The following CTXND1 variants were observed in gnomAD, a reference collection of about 807,000 sequenced individuals.
CTXND1 encodes the protein cortexin domain containing 1.
chr15:80,235,488 G>T (rs1465925379), intron 1 of CTXND1, among the ~76,000 whole-genome samples: 2 of 152,148 alleles, frequency 1.3e-5, no homozygotes, highest in Non-Finnish European at 2.9e-5. Context: ...TAACCTAGTT[G>T]TGGGCTTGGT....
chr15:80,229,490 C>T (rs561074648), intron 1 of CTXND1, among the ~76,000 whole-genome samples: 39 of 152,246 alleles, frequency 2.6e-4, no homozygotes, highest in African/African-American at 9.4e-4. Context: ...TGGTCAGGTC[C>T]ATGACAGACT....
chr15:80,231,616 C>T (rs1893431891), intron 1 of CTXND1, among the ~76,000 whole-genome samples: 1 of 152,036 alleles, frequency 6.6e-6, no homozygotes, highest in African/African-American at 2.4e-5. Flanking sequence ...TATTATTCTG[C>T]TGTATAATCG....
chr15:80,236,946 T>A (rs951919125), intron 1 of CTXND1, among the ~76,000 whole-genome samples: 1 of 152,166 alleles, frequency 6.6e-6, no homozygotes, highest in Non-Finnish European at 1.5e-5. Context: ...AGCATCACAC[T>A]TACAATTATG....
intron 1 of CTXND1, among the ~76,000 whole-genome samples, chr15:80,244,296 G>A (rs1000377636): frequency 1.3e-5 from 2 of 152,228 alleles, no homozygotes; most frequent in African/African-American, 2.4e-5. Context: ...CAAAGCCCAT[G>A]TTCAGGACAG....
chr15:80,214,560 T>C (rs1893232931), intron 1 of CTXND1, among the ~76,000 whole-genome samples: 1 of 152,152 alleles, frequency 6.6e-6, no homozygotes, highest in Admixed American at 6.5e-5. Flanking sequence ...AATTAAGCTG[T>C]AATTACAGAA....
At chr15:80,210,185 T>A (rs1236502348) in intron 1 of CTXND1, among the ~76,000 whole-genome samples, 1 of 152,188 alleles carries the variant, frequency 6.6e-6, no homozygotes, top group Non-Finnish European at 1.5e-5. Context: ...ATCCACCTGT[T>A]CGCCACCTCC....
intron 1 of CTXND1, among the ~76,000 whole-genome samples, chr15:80,233,659 C>T (rs915499745): frequency 6.6e-6 from 1 of 152,280 alleles, no homozygotes; most frequent in Non-Finnish European, 1.5e-5. Context: ...GGATTCTGCC[C>T]TACAAAGAGA....
In CTXND1 at chr15:80,220,994, C is replaced by T. The variant is rs1047659623; in HGVS notation, c.-217-17254G>A. ...CGCGATCTCTGCTCACTGCAAGCTCCGCCTCCCGGGTTCACGCCATTCTCC... is the reference window on the plus strand; with the variant it reads ...CGCGATCTCTGCTCACTGCAAGCTCTGCCTCCCGGGTTCACGCCATTCTCC... On this transcript the variant is annotated intron_variant, in intron 1 of 2. Coordinates refer to ENST00000560778, the MANE Select transcript of CTXND1 (RefSeq NM_001352888.2). 1.5e-3 allele frequency among the ~76,000 whole-genome samples: 228 copies of T among 151,420 alleles called. 1 individual carries two copies. The highest frequency in any genetic ancestry group is 1.8e-3 in the Non-Finnish European group (121 of 67,820).
chr15:80,223,111 T>C (rs751430019), intron 1 of CTXND1, among the ~76,000 whole-genome samples: 15 of 152,222 alleles, frequency 9.9e-5, no homozygotes, highest in Non-Finnish European at 2.1e-4. Context: ...AGAGTTTTGC[T>C]CTTGTTGCCC....
chr15:80,210,437 T>A (rs1893192872), intron 1 of CTXND1, among the ~76,000 whole-genome samples: 1 of 152,222 alleles, frequency 6.6e-6, no homozygotes, highest in Admixed American at 6.5e-5. Flanking sequence ...TTCTCTTCCC[T>A]CTCGCAGCCA....
rs571163667 is a variant in CTXND1, at chr15:80,227,637, T to C, written c.-217-23897A>G. On this transcript the variant is annotated intron_variant, in intron 1 of 2. Coordinates refer to ENST00000560778, the MANE Select transcript of CTXND1 (RefSeq NM_001352888.2). ...GCATATAAAAGTTATATGTACACTA[T>C]ATTGTACATTAAACATGTAATAGCA... is the stretch of plus-strand genomic sequence containing the variant. Among the ~76,000 whole-genome samples the C allele has an allele frequency of 8.4e-4, 128 of 152,366 alleles. 1 individual carries two copies. The highest frequency in any genetic ancestry group is 2.9e-3 in the African/African-American group (120 of 41,584).
At chr15:80,209,991 T>G (rs539827234) in intron 1 of CTXND1, among the ~76,000 whole-genome samples, 1 of 152,372 alleles carries the variant, frequency 6.6e-6, no homozygotes, top group East Asian at 1.9e-4. Flanking sequence ...ACTATTAATC[T>G]AAATCAAACA....
At chr15:80,227,779 A>T (rs1334070219) in intron 1 of CTXND1, among the ~76,000 whole-genome samples, 1 of 152,236 alleles carries the variant, frequency 6.6e-6, no homozygotes, top group Non-Finnish European at 1.5e-5. Flanking sequence ...GGTCTTGCCT[A>T]GTCGTTGAAG....
chr15:80,229,335 G>C (rs1045121704), intron 1 of CTXND1, among the ~76,000 whole-genome samples: 11 of 152,184 alleles, frequency 7.2e-5, no homozygotes, highest in African/African-American at 2.7e-4. Flanking sequence ...ATACAGAATT[G>C]GGGAATAAGT....
Position 80,204,028 on chromosome 15 carries a change from T to C in CTXND1, c.-217-288A>G, listed in dbSNP as rs1893115843. On this transcript the variant is annotated intron_variant, in intron 1 of 2. Transcript: ENST00000560778. ...GTACAAAAAGTTTAGCCGGGCGTGGTGGTGCATGCCTGTAATCCCAGCTAC... is the reference window on the plus strand; with the variant it reads ...GTACAAAAAGTTTAGCCGGGCGTGGCGGTGCATGCCTGTAATCCCAGCTAC... 2.0e-5 allele frequency among the ~76,000 whole-genome samples: 3 copies of C among 149,540 alleles called. No individual in the cohort carries two copies. In the South Asian group the frequency reaches 6.4e-4, roughly 32 times the overall value.
chr15:80,212,595 C>T (rs1893212865), intron 1 of CTXND1, among the ~76,000 whole-genome samples: 1 of 152,158 alleles, frequency 6.6e-6, no homozygotes, highest in African/African-American at 2.4e-5. Flanking sequence ...GTGTCACTCG[C>T]AGATCCCCTC....
rs1449654228 is a variant in CTXND1, at chr15:80,251,995, C to T, written c.-218+12G>A. Reference sequence around the variant, plus strand: ...GCGGCAGCGGGTCCCGGGATGCTCCCGCGGTCCTTACCTGGCGAGGCCCGT... The same window carrying T: ...GCGGCAGCGGGTCCCGGGATGCTCCTGCGGTCCTTACCTGGCGAGGCCCGT... On this transcript the variant is annotated intron_variant, in intron 1 of 2. Transcript: ENST00000560778. 6.6e-6 allele frequency: 1 copy of T among 151,882 alleles called. No homozygotes were observed. The highest frequency in any genetic ancestry group is 2.4e-5 in the African/African-American group (1 of 41,518). The allele number at this position is 151,882 out of a possible 1,614,324, so 9.4% of individuals were successfully genotyped here.
At chr15:80,217,521 CTTAT>C (rs67800490) in intron 1 of CTXND1, among the ~76,000 whole-genome samples, 15,835 of 143,644 alleles carry the variant, frequency 0.11, 989 homozygotes, top group African/African-American at 0.18. Flanking sequence ...CAATAGCTTG[CTTAT>C]TTATTTATTT....
At chr15:80,212,811 A>G (rs892141079) in intron 1 of CTXND1, among the ~76,000 whole-genome samples, 1 of 152,220 alleles carries the variant, frequency 6.6e-6, no homozygotes, top group Non-Finnish European at 1.5e-5. Context: ...TGGACTCCCA[A>G]AATTCTACAG....
Sources: gnomAD v4.1 joint callset for allele counts (sites outside exome capture counted in the v4.1 genomes callset) on GRCh38, gnomAD v4.1.1 for gene constraint, MANE v1.5 for transcripts, NCBI Gene and HGNC (gene_info 2026-07-23, HGNC 2026-07-21) for gene names.